The following PTPRQ variants were observed in gnomAD, a reference collection of about 807,000 sequenced individuals.
PTPRQ encodes the protein protein tyrosine phosphatase receptor type Q.
In PTPRQ, 199 loss-of-function variants were observed where a neutral mutation model predicts 246.0. The ratio of observed to expected loss-of-function variants is 0.81; its 90% confidence interval spans 0.72 to 0.91. The LOEUF (loss-of-function observed/expected upper bound fraction) is 0.91, where lower values mean the gene tolerates loss of function less well. Among genes scored for constraint, PTPRQ ranks in the 40% least tolerant of loss-of-function variants. PTPRQ has a pLI of 0.00. For missense variants in PTPRQ, 2,624 were observed against 2,528.4 expected (o/e 1.04, Z -0.81); for synonymous variants, 869 against 853.2 (o/e 1.02, Z -0.32).
intron 16 of PTPRQ, among the ~76,000 whole-genome samples, chr12:80,508,087 T>A (rs962805458): frequency 3.9e-5 from 6 of 151,988 alleles, no homozygotes; most frequent in Non-Finnish European, 8.8e-5. Context: ...CAAAGTATGT[T>A]GTGCATCTGA....
intron 26 of PTPRQ, among the ~76,000 whole-genome samples, chr12:80,599,293 G>A (rs1360379690): frequency 6.6e-6 from 1 of 151,930 alleles, no homozygotes; most frequent in Admixed American, 6.6e-5. Context: ...TGGGGAATGA[G>A]AGAATAAGGA....
intron 38 of PTPRQ, among the ~76,000 whole-genome samples, chr12:80,653,128 C>A (rs531028853): frequency 6.6e-6 from 1 of 152,270 alleles, no homozygotes; most frequent in African/African-American, 2.4e-5. Flanking sequence ...TGTTTAACAT[C>A]TTCCTACAGA....
intron 25 of PTPRQ, chr12:80,586,562 C>CTATAAAT (rs1461291033): frequency 4.6e-5 from 7 of 152,082 alleles, no homozygotes; most frequent in African/African-American, 1.7e-4. Context: ...ACCCAAAGGA[C>CTATAAAT]TATAAATCAT....
chr12:80,514,402 A>ACACACTCTCTCTCTCTCT (rs552667526), intron 17 of PTPRQ, among the ~76,000 whole-genome samples: 5 of 112,980 alleles, frequency 4.4e-5, no homozygotes, highest in African/African-American at 1.6e-4. Flanking sequence ...ACACACACAC[A>ACACACTCTCTCTCTCTCT]CTCTCTCTCT....
At chr12:80,654,082 CTTTCTTTTCTTTTCTCTTTTCT>C (rs1900349082) in intron 38 of PTPRQ, among the ~76,000 whole-genome samples, 2 of 140,436 alleles carry the variant, frequency 1.4e-5, no homozygotes, top group South Asian at 4.5e-4. Flanking sequence ...ATCTCTCTTC[CTTTCTTTTCTTTTCTCTTTTCT>C]TTTCTTTCTT....
chr12:80,549,648 C>A lies in PTPRQ; in HGVS notation c.4199C>A (p.Thr1400Asn), dbSNP rs148898311. 1.7e-4 allele frequency: 267 copies of A among 1,551,154 alleles called. 3 individuals carry two copies. The African/African-American group carries it at 3.2e-3, about 18-fold the overall frequency. ...MYTFIKLLAN[T>N]SYVFKVRAST... is the part of the protein sequence containing the mutation. ...ACTTTCATAAAGCTTCTTGCCAATA[C>A]CTCATATGTCTTTAAAGTAAGAGCT... Residue 1400 changes from threonine to asparagine, a missense_variant, in exon 25 of 45, where the codon ACC becomes AAC. Transcript: ENST00000644991.
chr12:80,473,585 A>G (rs1437312830), intron 8 of PTPRQ, among the ~76,000 whole-genome samples: 1 of 152,248 alleles, frequency 6.6e-6, no homozygotes, highest in African/African-American at 2.4e-5. Context: ...GGTGCTTCCA[A>G]ATAGAATCCA....
chr12:80,460,523 G>T (rs946855920), intron 5 of PTPRQ, 130 bp from the exon 6 acceptor site: 1 of 393,640 alleles, frequency 2.5e-6, no homozygotes, highest in South Asian at 1.4e-4. Flanking sequence ...TAGCAAATTT[G>T]TCTATAACTT....
At position 80,613,852 on chromosome 12, in the gene PTPRQ, T is replaced by C; in HGVS notation, c.5163+16T>C. The C allele has an allele frequency of 6.8e-7, 1 of 1,476,964 alleles. No individual in the cohort carries two copies. The highest frequency in any genetic ancestry group is 9.0e-7 in the Non-Finnish European group (1 of 1,111,756). 91.5% of individuals were successfully genotyped at this position (1,476,964 alleles called of 1,614,324 possible). A position where few individuals can be genotyped will look rare whatever the true frequency, so the allele number is the denominator to read the frequency against. ...CAATATCAGTGTAAGAATCCGTAGC[T>C]TCAGTTAATTACCCAAATGACAATG... On this transcript the variant is annotated intron_variant, in intron 29 of 44. Transcript: ENST00000644991.
At chr12:80,620,060 GT>G (rs1415141537) in intron 31 of PTPRQ, 93 bp from the exon 32 acceptor site, 1 of 1,391,844 alleles carries the variant, frequency 7.2e-7, no homozygotes, top group Non-Finnish European at 9.5e-7. Context: ...TGCATCGAGA[GT>G]CCCCTTATAC....
intron 26 of PTPRQ, among the ~76,000 whole-genome samples, chr12:80,595,422 C>A (rs945816274): frequency 3.9e-5 from 6 of 152,014 alleles, no homozygotes; most frequent in Admixed American, 1.3e-4. Flanking sequence ...TAAAATAGTT[C>A]ATGCTGATAT....
At chr12:80,625,609 G>T (rs1899173510) in intron 33 of PTPRQ, among the ~76,000 whole-genome samples, 1 of 152,108 alleles carries the variant, frequency 6.6e-6, no homozygotes, top group Non-Finnish European at 1.5e-5. Context: ...TAAGTTTAGT[G>T]AAAGGGACTA....
At position 80,468,696 on chromosome 12, in the gene PTPRQ, T is replaced by C. The variant is rs530446362; in HGVS notation, c.911-14T>C. ...AAATATATGTTATGTATTTATTTTC[T>C]ATAATTATTTTAGTGCCTGAAGGAC... On this transcript the variant is annotated splice_polypyrimidine_tract_variant and intron_variant, in intron 6 of 44. Transcript: ENST00000644991. 6.6e-7 allele frequency: 1 copy of C among 1,523,674 alleles called. No individual in the cohort carries two copies. The highest frequency in any genetic ancestry group is 2.2e-5 in the Admixed American group (1 of 45,998). 94.4% of individuals were successfully genotyped at this position (1,523,674 alleles called of 1,614,324 possible). A position where few individuals can be genotyped will look rare whatever the true frequency, so the allele number is the denominator to read the frequency against.
intron 35 of PTPRQ, among the ~76,000 whole-genome samples, chr12:80,642,932 A>AAAACAAC (rs1899930828): frequency 3.8e-5 from 5 of 131,602 alleles, no homozygotes; most frequent in Admixed American, 2.3e-4. Flanking sequence ...AAAAAAAAAA[A>AAAACAAC]AAAAAAAAAA....
At chr12:80,578,859 T>TA (rs1402812931) in intron 25 of PTPRQ, among the ~76,000 whole-genome samples, 4 of 152,208 alleles carry the variant, frequency 2.6e-5, no homozygotes, top group African/African-American at 9.7e-5. Context: ...TTTATCTTTA[T>TA]TTGCGATAAC....
chr12:80,467,750 C>A (rs1256608930), intron 6 of PTPRQ, among the ~76,000 whole-genome samples: 2 of 151,450 alleles, frequency 1.3e-5, no homozygotes, highest in Admixed American at 6.6e-5. Context: ...AGTAAACTAT[C>A]ACAAGAACAA....
intron 33 of PTPRQ, among the ~76,000 whole-genome samples, chr12:80,629,985 C>T (rs1237064309): frequency 2.0e-5 from 3 of 152,170 alleles, no homozygotes; most frequent in Admixed American, 2.0e-4. Context: ...AAGTAAGTCA[C>T]ATAACGCATA....
intron 2 of PTPRQ, among the ~76,000 whole-genome samples, chr12:80,445,216 C>T (rs1010272112): frequency 1.3e-5 from 2 of 151,784 alleles, no homozygotes; most frequent in African/African-American, 4.8e-5. Flanking sequence ...GTAAGCCTTG[C>T]GTAAGTGAAT....
chr12:80,594,137 TA>T (rs1429629575), intron 26 of PTPRQ, among the ~76,000 whole-genome samples: 1 of 152,212 alleles, frequency 6.6e-6, no homozygotes, highest in African/African-American at 2.4e-5. Flanking sequence ...TAACATTATT[TA>T]AAATTAAAAA....
Sources: allele counts gnomAD v4.1 joint callset (sites outside exome capture counted in the v4.1 genomes callset), GRCh38; gene constraint gnomAD v4.1.1; transcripts MANE v1.5; gene names NCBI Gene and HGNC (gene_info 2026-07-23, HGNC 2026-07-21).